NAA15: variants seen among roughly 807,000 people sequenced by gnomAD.
NAA15 encodes the protein N-alpha-acetyltransferase 15, NatA auxiliary subunit.
Under a neutral mutation model 114.0 loss-of-function variants are expected in NAA15, and 34 were observed. That is an observed-to-expected ratio of 0.30 (90% CI 0.23 to 0.40). The LOEUF (loss-of-function observed/expected upper bound fraction) is 0.40. NAA15 is among the 10% of genes least tolerant of loss of function. The probability of loss-of-function intolerance (pLI) is 1.00; values close to 1 mark genes in which losing one functional copy is unlikely to be tolerated. For missense variants in NAA15, 658 were observed against 1,004.5 expected, an observed-to-expected ratio of 0.66 and a Z score of 4.66; for synonymous variants, 340 against 338.0, an observed-to-expected ratio of 1.01 and a Z score of -0.06.
At chr4:139,367,219 G>A (rs934037295) in intron 14 of NAA15, among the ~76,000 whole-genome samples, 3 of 152,130 alleles carry the variant, frequency 2.0e-5, no homozygotes, top group Admixed American at 6.5e-5. Context: ...GAGTTACCAC[G>A]TCCATCCTCA....
chr4:139,332,427 C>T (rs1397183275), intron 1 of NAA15, among the ~76,000 whole-genome samples: 1 of 151,972 alleles, frequency 6.6e-6, no homozygotes, highest in Admixed American at 6.6e-5. Flanking sequence ...CCACGCCTGG[C>T]CCTCGATAGT....
intron 9 of NAA15, 99 bp from the exon 10 acceptor site, chr4:139,353,927 G>A (rs1747860753): frequency 2.3e-6 from 2 of 861,338 alleles, no homozygotes; most frequent in Non-Finnish European, 3.8e-6. Flanking sequence ...GTGTGTTGGA[G>A]TGTTTATTTA....
intron 4 of NAA15, 121 bp downstream of exon 4, chr4:139,341,190 C>G: frequency 6.1e-6 from 4 of 654,340 alleles, no homozygotes; most frequent in Non-Finnish European, 9.3e-6. Context: ...ATTTTTTTTT[C>G]CTCCTACCAC....
At chr4:139,347,911 A>G (rs961230890) in intron 6 of NAA15, among the ~76,000 whole-genome samples, 16 of 151,752 alleles carry the variant, frequency 1.1e-4, no homozygotes, top group African/African-American at 3.6e-4. Flanking sequence ...GGGCGCCTGT[A>G]GTCCCAGCTA....
At chr4:139,345,145 AG>A (rs1467155196) in intron 6 of NAA15, among the ~76,000 whole-genome samples, 1 of 152,210 alleles carries the variant, frequency 6.6e-6, no homozygotes, top group Non-Finnish European at 1.5e-5. Context: ...TGTGCATAAT[AG>A]GTATAGCCAT....
intron 1 of NAA15, among the ~76,000 whole-genome samples, chr4:139,312,134 T>C (rs1053368291): frequency 6.6e-6 from 1 of 151,988 alleles, no homozygotes; most frequent in African/African-American, 2.4e-5. Context: ...CATATCTAAA[T>C]ACAATTTTGC....
intron 1 of NAA15, among the ~76,000 whole-genome samples, chr4:139,320,616 G>A (rs970653854): frequency 6.6e-6 from 1 of 152,176 alleles, no homozygotes; most frequent in Non-Finnish European, 1.5e-5. Context: ...CATCTCCTGG[G>A]TTCAAGCGAT....
At chr4:139,372,082 A>AT (rs1724918690) in intron 15 of NAA15, among the ~76,000 whole-genome samples, 3 of 151,804 alleles carry the variant, frequency 2.0e-5, no homozygotes, top group Admixed American at 6.6e-5. Flanking sequence ...TGCCCGGCTA[A>AT]TTTTTTTGTA....
intron 6 of NAA15, 70 bp from the exon 7 acceptor site, chr4:139,349,392 G>A (rs1747705040): frequency 3.6e-6 from 5 of 1,371,200 alleles, no homozygotes; most frequent in Non-Finnish European, 4.9e-6. Flanking sequence ...AAATTTTGAG[G>A]AAAAGTTAAA....
chr4:139,370,455 C>T (rs775672574), intron 15 of NAA15, 51 bp downstream of exon 15: 2 of 1,470,836 alleles, frequency 1.4e-6, no homozygotes, highest in South Asian at 1.6e-5. Context: ...ATGACCAGCT[C>T]TTGTCATTTT....
chr4:139,324,492 G>A (rs1746725305), intron 1 of NAA15, among the ~76,000 whole-genome samples: 1 of 152,194 alleles, frequency 6.6e-6, no homozygotes, highest in African/African-American at 2.4e-5. Flanking sequence ...TGATTCTTCT[G>A]TGGAGAACTG....
chr4:139,346,080 AT>A (rs1747572263), intron 6 of NAA15, among the ~76,000 whole-genome samples: 1 of 152,116 alleles, frequency 6.6e-6, no homozygotes, highest in Admixed American at 6.6e-5. Flanking sequence ...CATAGCGTGT[AT>A]TTGTGCTGAC....
At chr4:139,304,639 G>A (rs574002978) in intron 1 of NAA15, among the ~76,000 whole-genome samples, 3 of 152,112 alleles carry the variant, frequency 2.0e-5, no homozygotes, top group Non-Finnish European at 4.4e-5. Flanking sequence ...TTAAAAATTT[G>A]TATTTTTTAT....
chr4:139,384,963 C>T lies in NAA15; in HGVS notation c.2287C>T (p.Pro763Ser). 6.4e-7 allele frequency: 1 copy of T among 1,555,368 alleles called. No individual in the cohort carries two copies. The highest frequency in any genetic ancestry group is 8.7e-7 in the Non-Finnish European group (1 of 1,155,118). ...TFLKRNSDSL[P>S]HRLSAAKMVY... is the part of the protein sequence containing the mutation. ...TCTGAAAAGGAATTCTGATTCATTG[C>T]CACACAGATTATCAGGTAATCACTT... The change falls in exon 18 of 20, where the codon CCA becomes TCA. Residue 763 changes from proline to serine, a missense_variant. Physicochemically the swap from Pro to Ser is moderately conservative, Grantham distance 74. This residue lies in a region of NAA15 where 275 missense variants were observed against 371.1 expected (regional missense o/e 0.74). Transcript: ENST00000296543.
rs935177512 is a variant in NAA15 at position 139,384,726 on chromosome 4, G to GAA, written c.2156-106_2156-105insAA. The stretch of plus-strand genomic sequence containing the variant: ...GCCATGGTTGTGCCACTGTACTCCA[G>GAA]CCTGGGTGATAGAGCAAGACCCTGT... On this transcript the variant is annotated intron_variant, in intron 17 of 19. Coordinates refer to ENST00000296543, the MANE Select transcript of NAA15 (RefSeq NM_057175.5). 11 of 698,760 alleles carry GAA rather than the reference G, an allele frequency of 1.6e-5. No individual in the cohort carries two copies. In the Admixed American group the frequency reaches 2.2e-4, roughly 14 times the overall value. The allele number at this position is 698,760 out of a possible 1,614,324, so 43.3% of individuals were successfully genotyped here. A position where few individuals can be genotyped will look rare whatever the true frequency, so the allele number is the denominator to read the frequency against.
Position 139,346,627 on chromosome 4 carries a change from C to T in NAA15, c.691+2288C>T, listed in dbSNP as rs547675091. ...GTGCAGTGGCGCGATCTTGGCTCGC[C>T]GCAACCTCCACCTCCCGGGTTCAAG... On this transcript the variant is annotated intron_variant, in intron 6 of 19. Transcript: ENST00000296543. Among the ~76,000 whole-genome samples, 126 of 151,982 alleles carry T rather than the reference C, an allele frequency of 8.3e-4. 2 individuals carry two copies. Among genetic ancestry groups the T allele is most frequent in the Middle Eastern group, 6.8e-3 (2 of 294 alleles).
intron 11 of NAA15, among the ~76,000 whole-genome samples, chr4:139,358,729 C>T (rs1285059764): frequency 6.6e-6 from 1 of 152,124 alleles, no homozygotes; most frequent in Non-Finnish European, 1.5e-5. Context: ...TGGGGAATGT[C>T]TACTAATGGT....
intron 3 of NAA15, among the ~76,000 whole-genome samples, chr4:139,339,334 A>T (rs569017902): frequency 5.9e-4 from 90 of 152,080 alleles, no homozygotes; most frequent in African/African-American, 2.0e-3. Flanking sequence ...GTCTCTATGG[A>T]AAATAAAAAA....
rs1747775131 is a variant in NAA15, at chr4:139,351,439, A to G, written c.908-66A>G. 3.5e-6 allele frequency: 4 copies of G among 1,137,710 alleles called. No homozygotes were observed. In the South Asian group the frequency reaches 3.9e-5, roughly 11 times the overall value. The allele number at this position is 1,137,710 out of a possible 1,614,324, so 70.5% of individuals were successfully genotyped here. The stretch of plus-strand genomic sequence containing the variant: ...TAAATGTAAGTTGGTAAATGTAAGT[A>G]AATACTTTGGTAAATGTAAGTAAAT... On this transcript the variant is annotated intron_variant, in intron 8 of 19. Coordinates refer to ENST00000296543, the MANE Select transcript of NAA15 (RefSeq NM_057175.5).
Sources: allele counts gnomAD v4.1 joint callset (sites outside exome capture counted in the v4.1 genomes callset), GRCh38; gene constraint gnomAD v4.1.1; regional missense constraint gnomAD v4.1.1; transcripts MANE v1.5; gene names NCBI Gene and HGNC (gene_info 2026-07-23, HGNC 2026-07-21).